Variants in SLC9A7 observed in about 807,000 individuals in gnomAD.
SLC9A7 encodes the protein solute carrier family 9 member A7.
SLC9A7 carries 19 observed loss-of-function variants against 52.6 expected under a neutral mutation model. The observed-to-expected ratio is 0.36, with a 90% CI of 0.25 to 0.53. The LOEUF (loss-of-function observed/expected upper bound fraction) is 0.53. SLC9A7 is among the 20% of genes least tolerant of loss of function. The pLI is 0.91. For synonymous variants in SLC9A7, 226 were observed against 252.1 expected, an observed-to-expected ratio of 0.90 and a Z score of 0.98; for missense variants, 455 against 597.9, an observed-to-expected ratio of 0.76 and a Z score of 2.49.
intron 15 of SLC9A7, among the ~76,000 whole-genome samples, chrX:46,620,469 G>GTTTAA (rs917514942): frequency 1.8e-5 from 2 of 110,996 alleles, no homozygotes; most frequent in Non-Finnish European, 3.8e-5. Flanking sequence ...AACCATGAGG[G>GTTTAA]TTTAACATTT....
chrX:46,730,653 G>T (rs1415488878), intron 1 of SLC9A7, among the ~76,000 whole-genome samples: 1 of 42,882 alleles, frequency 2.3e-5, no homozygotes, highest in African/African-American at 6.2e-5. Context: ...GAGCGAGACT[G>T]TCTCAAAAAA....
At chrX:46,631,759 A>T in intron 13 of SLC9A7, 110 bp from the exon 14 acceptor site, 1 of 573,624 alleles carries the variant, frequency 1.7e-6, no homozygotes, top group Non-Finnish European at 2.9e-6. Context: ...TTCCCGAAGC[A>T]TAAGGAGTGG....
intron 7 of SLC9A7, among the ~76,000 whole-genome samples, chrX:46,658,833 A>C (rs1306038340): frequency 9.1e-6 from 1 of 110,179 alleles, no homozygotes; most frequent in Non-Finnish European, 1.9e-5. Context: ...AAACTATTCC[A>C]ATCAATAGAA....
At chrX:46,720,895 C>T (rs1204834539) in intron 1 of SLC9A7, among the ~76,000 whole-genome samples, 4 of 111,520 alleles carry the variant, frequency 3.6e-5, no homozygotes, top group African/African-American at 1.3e-4. Flanking sequence ...AGACTATATC[C>T]TGAATTTCCA....
At chrX:46,758,643 C>T in intron 1 of SLC9A7, 62 bp downstream of exon 1, 1 of 801,426 alleles carries the variant, frequency 1.2e-6, no homozygotes, top group Non-Finnish European at 1.7e-6. Flanking sequence ...CACCGCGCGG[C>T]GCCAGGAGGA....
Position 46,628,268 on chromosome X carries a change from C to T in SLC9A7, c.1740+3318G>A, listed in dbSNP as rs374564521. On this transcript the variant is annotated intron_variant, in intron 14 of 16. Transcript: ENST00000616978. The stretch of plus-strand genomic sequence containing the variant: ...AGCTGTCTGGTCTGGCATGAAAAGT[C>T]CCCTGCTTTATCGGGGTGGGAGGCC... Among the ~76,000 whole-genome samples the T allele has an allele frequency of 5.4e-3, 613 of 112,907 alleles. 6 individuals carry two copies. The highest frequency in any genetic ancestry group is 0.019 in the African/African-American group (591 of 31,111).
intron 16 of SLC9A7, among the ~76,000 whole-genome samples, chrX:46,608,447 C>A (rs1051269135): frequency 8.9e-6 from 1 of 112,256 alleles, no homozygotes; most frequent in Non-Finnish European, 1.9e-5. Flanking sequence ...CAGGCAAGCA[C>A]GCAACTCCTC....
In SLC9A7 at chrX:46,603,878, CACA is replaced by C. The variant is rs1180418286; in HGVS notation, c.*3071_*3073del. Reference sequence around the variant, plus strand: ...CAAAACAAAAAACAAACAACAACAACACAACAACAAAGCCTTGAGGTGAACAAA... The same window carrying C: ...CAAAACAAAAAACAAACAACAACAACACAACAAAGCCTTGAGGTGAACAAA... On this transcript the variant is annotated 3_prime_UTR_variant, in exon 17 of 17. Transcript: ENST00000616978. 9.0e-6 allele frequency: 1 copy of C among 111,595 alleles called. No individual in the cohort carries two copies. The highest frequency in any genetic ancestry group is 1.9e-5 in the Non-Finnish European group (1 of 53,204). The allele number at this position is 111,595 out of a possible 1,213,427, so 9.2% of individuals were successfully genotyped here.
At chrX:46,663,580 G>C (rs1943864410) in intron 5 of SLC9A7, among the ~76,000 whole-genome samples, 1 of 98,722 alleles carries the variant, frequency 1.0e-5, no homozygotes. Context: ...AGAGGTTGCA[G>C]TGAGCCAAGA....
At chrX:46,673,278 T>C (rs1210244715) in intron 3 of SLC9A7, among the ~76,000 whole-genome samples, 1 of 111,254 alleles carries the variant, frequency 9.0e-6, no homozygotes, top group African/African-American at 3.3e-5. Flanking sequence ...ATATCACAGC[T>C]AGAAATTATT....
chrX:46,730,670 T>TTATATATA (rs57157177), intron 1 of SLC9A7, among the ~76,000 whole-genome samples: 882 of 42,671 alleles, frequency 0.021, 63 homozygotes, highest in Admixed American at 0.038. Flanking sequence ...AAAAAAAAAA[T>TTATATATA]TATATATATA....
At chrX:46,624,232 A>G (rs897402508) in intron 14 of SLC9A7, among the ~76,000 whole-genome samples, 2 of 55,151 alleles carry the variant, frequency 3.6e-5, no homozygotes, top group African/African-American at 4.9e-4. Context: ...AGGGGTTGGG[A>G]ACCCCCCCCT....
intron 3 of SLC9A7, among the ~76,000 whole-genome samples, chrX:46,673,950 C>T (rs762243310): frequency 5.3e-5 from 6 of 112,257 alleles, no homozygotes; most frequent in Non-Finnish European, 9.4e-5. Context: ...CTTAAATAAC[C>T]GCCTTTTTGT....
chrX:46,687,941 C>T (rs773442667), intron 1 of SLC9A7, among the ~76,000 whole-genome samples: 2 of 112,045 alleles, frequency 1.8e-5, no homozygotes, highest in Non-Finnish European at 3.8e-5. Flanking sequence ...CAATATGTAG[C>T]CTCTTGTGTC....
rs1249062586 is a variant in SLC9A7 at position 46,606,157 on chromosome X, C to CA, written c.*794dup. On this transcript the variant is annotated 3_prime_UTR_variant, in exon 17 of 17. Transcript: ENST00000616978. Reference sequence around the variant, plus strand: ...GTGACAGAGTGAAACACCATCTCAACAAAAAAAAAAAGTTGAATGCTTTTT... The same window carrying CA: ...GTGACAGAGTGAAACACCATCTCAACAAAAAAAAAAAAGTTGAATGCTTTTT... 0.098 allele frequency: 44,245 copies of CA among 452,785 alleles called. No individual in the cohort carries two copies. Among genetic ancestry groups the CA allele is most frequent in the Non-Finnish European group, 0.11 (40,422 of 370,748 alleles). The allele number at this position is 452,785 out of a possible 1,213,427, so 37.3% of individuals were successfully genotyped here. A position where few individuals can be genotyped will look rare whatever the true frequency, so the allele number is the denominator to read the frequency against.
chrX:46,610,719 C>A (rs1942834146), intron 16 of SLC9A7, among the ~76,000 whole-genome samples: 2 of 111,609 alleles, frequency 1.8e-5, no homozygotes, highest in Admixed American at 1.9e-4. Context: ...GAAACATGAC[C>A]CCCAGAAGCA....
intron 1 of SLC9A7, among the ~76,000 whole-genome samples, chrX:46,753,040 C>T (rs185228194): frequency 2.7e-5 from 3 of 112,172 alleles, no homozygotes; most frequent in South Asian, 7.3e-4. Flanking sequence ...CCATTTATAA[C>T]TTTCAAATAA....
chrX:46,693,373 TA>T (rs1447557490), intron 1 of SLC9A7, among the ~76,000 whole-genome samples: 4 of 111,670 alleles, frequency 3.6e-5, no homozygotes, highest in Non-Finnish European at 7.5e-5. Flanking sequence ...GGTAGTGGTA[TA>T]AGGATAGACA....
At chrX:46,608,226 A>G (rs1249033363) in intron 16 of SLC9A7, among the ~76,000 whole-genome samples, 1 of 112,484 alleles carries the variant, frequency 8.9e-6, no homozygotes, top group East Asian at 2.8e-4. Context: ...ACCTTCCTCA[A>G]TGGTGCTTAC....
Sources: allele counts gnomAD v4.1 joint callset (sites outside exome capture counted in the v4.1 genomes callset), GRCh38; gene constraint gnomAD v4.1.1; transcripts MANE v1.5; gene names NCBI Gene and HGNC (gene_info 2026-07-23, HGNC 2026-07-21).